The following NAALADL2 variants were observed in gnomAD, a reference collection of about 807,000 sequenced individuals.
NAALADL2 encodes inactive N-acetylated-alpha-linked acidic dipeptidase-like protein 2.
NAALADL2 carries 76 observed loss-of-function variants against 87.2 expected under a neutral mutation model. The ratio of observed to expected loss-of-function variants is 0.87; its 90% CI spans 0.72 to 1.05. The LOEUF is 1.05. NAALADL2 is among the 50% of genes least tolerant of loss of function. NAALADL2 has a pLI of 0.00. For synonymous variants in NAALADL2, 354 were observed against 331.0 expected, an observed-to-expected ratio of 1.07 and a Z score of -0.75; for missense variants, 1,089 against 945.8, an observed-to-expected ratio of 1.15 and a Z score of -1.99.
At chr3:174,709,713 A>G (rs2108909514) in intron 2 of NAALADL2, among the ~76,000 whole-genome samples, 1 of 152,286 alleles carries the variant, frequency 6.6e-6, no homozygotes, top group African/African-American at 2.4e-5. Flanking sequence ...GGTAAGCTTT[A>G]ATATTATTTG....
intron 2 of NAALADL2, among the ~76,000 whole-genome samples, chr3:175,157,920 C>A (rs559490909): frequency 6.6e-6 from 1 of 152,106 alleles, no homozygotes; most frequent in South Asian, 2.1e-4. Flanking sequence ...TTATCAAAAT[C>A]TAATTTTCCT....
At chr3:174,794,145 A>G (rs1283579273) in intron 3 of NAALADL2, among the ~76,000 whole-genome samples, 7 of 152,084 alleles carry the variant, frequency 4.6e-5, no homozygotes, top group Non-Finnish European at 1.0e-4. Context: ...AGTAAAATGT[A>G]TGGAAAAATT....
intron 3 of NAALADL2, among the ~76,000 whole-genome samples, chr3:174,836,955 AT>A (rs1230038579): frequency 1.3e-5 from 2 of 152,130 alleles, no homozygotes; most frequent in African/African-American, 2.4e-5. Flanking sequence ...TAGAAAAAAA[AT>A]AAAACGATAT....
At chr3:174,505,679 A>G (rs564286781) in intron 1 of NAALADL2, among the ~76,000 whole-genome samples, 1 of 152,282 alleles carries the variant, frequency 6.6e-6, no homozygotes, top group South Asian at 2.1e-4. Flanking sequence ...GAAAGAACTC[A>G]AGGCATTTTT....
chr3:175,135,348 T>C (rs1315238339), intron 2 of NAALADL2, among the ~76,000 whole-genome samples: 1 of 152,170 alleles, frequency 6.6e-6, no homozygotes, highest in African/African-American at 2.4e-5. Flanking sequence ...GGCATATATT[T>C]CTTCATACGG....
At chr3:175,405,955 C>T (rs1051682350) in intron 5 of NAALADL2, among the ~76,000 whole-genome samples, 4 of 152,002 alleles carry the variant, frequency 2.6e-5, no homozygotes, top group African/African-American at 4.8e-5. Context: ...TATGGAGCAC[C>T]GGCTAAGGTC....
At chr3:175,575,931 C>T (rs140452989) in intron 9 of NAALADL2, 110 bp from the exon 10 acceptor site, 3 of 887,460 alleles carry the variant, frequency 3.4e-6, no homozygotes, top group East Asian at 5.4e-5. Context: ...TTAACAGTCT[C>T]CAGGGAGACA....
intron 1 of NAALADL2, among the ~76,000 whole-genome samples, chr3:174,907,087 A>T (rs556949004): frequency 7.2e-5 from 11 of 152,168 alleles, no homozygotes; most frequent in Middle Eastern, 3.4e-3. Context: ...ATTTAATCCA[A>T]ATTGAAACTG....
chr3:174,956,259 G>A (rs1455749012), intron 1 of NAALADL2, among the ~76,000 whole-genome samples: 2 of 152,014 alleles, frequency 1.3e-5, no homozygotes, highest in African/African-American at 4.8e-5. Flanking sequence ...TTTTGTCATG[G>A]TAATCTTGTA....
chr3:175,519,595 G>A (rs1339916348), intron 9 of NAALADL2, among the ~76,000 whole-genome samples: 1 of 152,132 alleles, frequency 6.6e-6, no homozygotes, highest in East Asian at 1.9e-4. Flanking sequence ...AAACATTATG[G>A]AGGTGTCCAT....
intron 1 of NAALADL2, among the ~76,000 whole-genome samples, chr3:174,911,944 C>T (rs534819603): frequency 6.6e-6 from 1 of 152,212 alleles, no homozygotes; most frequent in Non-Finnish European, 1.5e-5. Context: ...AGACTTATAG[C>T]TGTCTTCCAC....
chr3:175,638,816 T>G (rs2149751361), intron 11 of NAALADL2, among the ~76,000 whole-genome samples: 1 of 152,344 alleles, frequency 6.6e-6, no homozygotes, highest in Admixed American at 6.5e-5. Context: ...TTTATTTTCC[T>G]AAAGACTCCA....
intron 1 of NAALADL2, among the ~76,000 whole-genome samples, chr3:175,010,258 T>G (rs73881599): frequency 0.025 from 3,877 of 152,266 alleles, 181 homozygotes; most frequent in African/African-American, 0.089. Flanking sequence ...AAGTAAAATT[T>G]AAATAACAGC....
At chr3:175,271,798 GTAAAT>G (rs956252861) in intron 4 of NAALADL2, among the ~76,000 whole-genome samples, 2 of 151,996 alleles carry the variant, frequency 1.3e-5, no homozygotes, top group Non-Finnish European at 2.9e-5. Flanking sequence ...TCGTCTCAAA[GTAAAT>G]TAAATTAAAT....
At chr3:175,341,593 A>G (rs1762574800) in intron 5 of NAALADL2, among the ~76,000 whole-genome samples, 1 of 152,112 alleles carries the variant, frequency 6.6e-6, no homozygotes, top group Non-Finnish European at 1.5e-5. Flanking sequence ...ACTGTTTTCT[A>G]TAGAGGATGC....
chr3:174,959,904 T>G (rs151268195), intron 1 of NAALADL2, among the ~76,000 whole-genome samples: 177 of 152,212 alleles, frequency 1.2e-3, no homozygotes, highest in African/African-American at 3.1e-3. Context: ...TTGACAAGAT[T>G]TGTCCTTATC....
chr3:174,799,654 TAC>T (rs1453786996), intron 3 of NAALADL2, among the ~76,000 whole-genome samples: 1 of 152,208 alleles, frequency 6.6e-6, no homozygotes, highest in Non-Finnish European at 1.5e-5. Flanking sequence ...CAGTAAATTC[TAC>T]CAGAAGTGGA....
At chr3:175,343,664 T>TTTTTTTTTTTTTTTTTTTTTTTGTTTA (rs1762819853) in intron 5 of NAALADL2, among the ~76,000 whole-genome samples, 1 of 140,104 alleles carries the variant, frequency 7.1e-6, no homozygotes, top group Admixed American at 7.3e-5. Context: ...TGTTTTTTTT[T>TTTTTTTTTTTTTTTTTTTTTTTGTTTA]TTTTTTTTTT....
In NAALADL2 at chr3:174,904,017, C is replaced by G. The variant is rs1400515045; in HGVS notation, c.43+44567C>G. On this transcript the variant is annotated intron_variant, in intron 1 of 13. Transcript: ENST00000454872. ...TCTATATCTATATCTATATCTGTAT[C>G]TATTTGAGTTTCTAGATATATATCT... is the stretch of plus-strand genomic sequence containing the variant. Among the ~76,000 whole-genome samples, 2 of 151,268 alleles carry G rather than the reference C, an allele frequency of 1.3e-5. 1 individual carries two copies. Among genetic ancestry groups the G allele is most frequent in the Non-Finnish European group, 3.0e-5 (2 of 67,734 alleles).
Sources: gnomAD v4.1 joint callset for allele counts (sites outside exome capture counted in the v4.1 genomes callset) on GRCh38, gnomAD v4.1.1 for gene constraint, MANE v1.5 for transcripts, NCBI Gene and HGNC (gene_info 2026-07-23, HGNC 2026-07-21) for gene names.